The following ZNF407 variants were observed in gnomAD, a reference collection of about 807,000 sequenced individuals.
ZNF407 encodes zinc finger protein 407.
Under a neutral mutation model 131.2 loss-of-function variants are expected in ZNF407, and 17 were observed. That is an observed-to-expected ratio of 0.13 (90% confidence interval 0.09 to 0.19). The LOEUF (loss-of-function observed/expected upper bound fraction) is 0.19. Among genes scored for constraint, ZNF407 ranks in the 10% least tolerant of loss-of-function variants. The pLI is 1.00. For synonymous variants in ZNF407, 1,156 were observed against 1,062.0 expected (o/e 1.09, Z -1.72); for missense variants, 2,681 against 2,830.6 (o/e 0.95, Z 1.20).
rs142913617 is a variant in ZNF407, at chr18:75,053,228, C to T, written c.5429-9922C>T. 6.3e-3 allele frequency among the ~76,000 whole-genome samples: 962 copies of T among 152,286 alleles called. 4 individuals are homozygous for T. Among genetic ancestry groups the T allele is most frequent in the Non-Finnish European group, 0.011 (758 of 68,016 alleles). On this transcript the variant is annotated intron_variant, in intron 8 of 8. Transcript: ENST00000299687. The stretch of plus-strand genomic sequence containing the variant: ...GACACAGTGAGGCCTTAGTGCCGGC[C>T]GCACCCAGGTCCCGCCTCACCCCGT...
intron 3 of ZNF407, among the ~76,000 whole-genome samples, chr18:74,726,004 T>A (rs1162344816): frequency 1.3e-5 from 2 of 152,200 alleles, no homozygotes; most frequent in Non-Finnish European, 2.9e-5. Flanking sequence ...AGGGAGATTT[T>A]ACTTCTGTGA....
chr18:74,974,148 G>A (rs933875873), intron 8 of ZNF407, among the ~76,000 whole-genome samples: 1 of 152,106 alleles, frequency 6.6e-6, no homozygotes, highest in East Asian at 1.9e-4. Context: ...GCAGATGTGC[G>A]ATGGACATTA....
chr18:74,611,935 T>C (rs1172628350), intron 1 of ZNF407, among the ~76,000 whole-genome samples: 2 of 152,070 alleles, frequency 1.3e-5, no homozygotes, highest in South Asian at 2.1e-4. Flanking sequence ...CCTGGAGACA[T>C]GTGCAAGGAT....
At chr18:74,949,955 C>A (rs888751778) in intron 8 of ZNF407, among the ~76,000 whole-genome samples, 1 of 152,146 alleles carries the variant, frequency 6.6e-6, no homozygotes, top group Non-Finnish European at 1.5e-5. Context: ...TTTTTAACCC[C>A]CCACTGGCTA....
At chr18:74,621,116 A>T (rs929880425) in intron 1 of ZNF407, among the ~76,000 whole-genome samples, 4 of 151,912 alleles carry the variant, frequency 2.6e-5, no homozygotes, top group Non-Finnish European at 5.9e-5. Flanking sequence ...TATTATTATT[A>T]TTTTTTAATG....
intron 8 of ZNF407, among the ~76,000 whole-genome samples, chr18:74,998,411 G>A (rs924313596): frequency 1.3e-5 from 2 of 152,090 alleles, no homozygotes; most frequent in Non-Finnish European, 2.9e-5. Flanking sequence ...GGCCTTTGAT[G>A]GGTCAAAATA....
chr18:74,917,059 T>C (rs1475544131), intron 7 of ZNF407, among the ~76,000 whole-genome samples: 1 of 152,124 alleles, frequency 6.6e-6, no homozygotes, highest in African/African-American at 2.4e-5. Flanking sequence ...ACGAGAGTTC[T>C]TTTTTGTTTG....
At chr18:75,050,514 G>C (rs547593826) in intron 8 of ZNF407, among the ~76,000 whole-genome samples, 1 of 152,304 alleles carries the variant, frequency 6.6e-6, no homozygotes, top group South Asian at 2.1e-4. Context: ...ATCTGACCCA[G>C]TTTCCTGAGT....
intron 4 of ZNF407, among the ~76,000 whole-genome samples, chr18:74,869,084 G>A (rs931409630): frequency 1.3e-5 from 2 of 152,184 alleles, no homozygotes; most frequent in Non-Finnish European, 2.9e-5. Context: ...TAAGGCATTT[G>A]GAATGAAGGT....
chr18:74,880,958 T>G, intron 5 of ZNF407, 78 bp from the exon 6 acceptor site: 2 of 1,215,136 alleles, frequency 1.6e-6, no homozygotes. Context: ...GAGGAATTAG[T>G]AACCCTGAAA....
At chr18:74,647,048 G>A (rs1392580025) in intron 3 of ZNF407, among the ~76,000 whole-genome samples, 3 of 151,928 alleles carry the variant, frequency 2.0e-5, no homozygotes, top group Non-Finnish European at 4.4e-5. Flanking sequence ...TGGCTTCTGT[G>A]TCTAAAGTCT....
At chr18:74,814,136 G>GTTTGTT (rs1422419265) in intron 4 of ZNF407, among the ~76,000 whole-genome samples, 13 of 152,042 alleles carry the variant, frequency 8.6e-5, no homozygotes, top group Non-Finnish European at 1.5e-5. Flanking sequence ...TTGTTTGTGA[G>GTTTGTT]TTTGTTTTTG....
intron 3 of ZNF407, among the ~76,000 whole-genome samples, chr18:74,678,483 A>G (rs1266272771): frequency 1.3e-5 from 2 of 152,150 alleles, no homozygotes; most frequent in East Asian, 1.9e-4. Flanking sequence ...TGTTAGAGGT[A>G]CCCATCAGCC....
At position 74,766,009 on chromosome 18, in the gene ZNF407, CTGTGTGTGTGTGTGTGTGTGTGTG is replaced by C. The variant is rs58103313; in HGVS notation, c.4803-15395_4803-15372del. On this transcript the variant is annotated intron_variant, in intron 3 of 8. Transcript: ENST00000299687. ...GCCACTGTGATATACGCATATTACT[CTGTGTGTGTGTGTGTGTGTGTGTG>C]TGTGTGTGTGTGTGTGTGTGTGTCT... 3.0e-4 allele frequency among the ~76,000 whole-genome samples: 44 copies of C among 148,182 alleles called. 1 individual carries two copies. The highest frequency in any genetic ancestry group is 4.2e-4 in the African/African-American group (17 of 40,112).
chr18:75,046,430 C>A (rs1185854650), intron 8 of ZNF407, among the ~76,000 whole-genome samples: 1 of 152,154 alleles, frequency 6.6e-6, no homozygotes, highest in African/African-American at 2.4e-5. Flanking sequence ...AATAGGAAAC[C>A]AAGTCACTGT....
At chr18:74,690,753 A>T (rs1413318760) in intron 3 of ZNF407, among the ~76,000 whole-genome samples, 4 of 152,226 alleles carry the variant, frequency 2.6e-5, no homozygotes, top group Non-Finnish European at 2.9e-5. Context: ...GCAAAGTGGT[A>T]GTCATTAATT....
At chr18:74,668,472 A>G (rs1262534344) in intron 3 of ZNF407, among the ~76,000 whole-genome samples, 1 of 152,214 alleles carries the variant, frequency 6.6e-6, no homozygotes, top group Non-Finnish European at 1.5e-5. Flanking sequence ...TTACGTCTCC[A>G]CAGCCTTTAA....
chr18:74,909,169 T>A (rs2628111), intron 7 of ZNF407, among the ~76,000 whole-genome samples: 1 of 151,780 alleles, frequency 6.6e-6, no homozygotes, highest in African/African-American at 2.4e-5. Flanking sequence ...TTTGCACACA[T>A]GATACACACC....
At chr18:74,818,292 C>G (rs1337568989) in intron 4 of ZNF407, among the ~76,000 whole-genome samples, 2 of 152,154 alleles carry the variant, frequency 1.3e-5, no homozygotes, top group Non-Finnish European at 2.9e-5. Context: ...GACTGCTTGT[C>G]CATGGGTCAA....
Sources: gnomAD v4.1 joint callset for allele counts (sites outside exome capture counted in the v4.1 genomes callset) on GRCh38, gnomAD v4.1.1 for gene constraint, MANE v1.5 for transcripts, NCBI Gene and HGNC (gene_info 2026-07-23, HGNC 2026-07-21) for gene names.